Variants in FAH observed in about 807,000 individuals in gnomAD.
FAH encodes the protein fumarylacetoacetate hydrolase.
In FAH, 47 loss-of-function variants were observed where a neutral mutation model predicts 55.8. The ratio of observed to expected loss-of-function variants is 0.84; its 90% CI spans 0.67 to 1.07. FAH has a LOEUF of 1.07. Ranked by LOEUF, FAH falls within the 50% of genes least tolerant of loss-of-function variation. The probability of loss-of-function intolerance (pLI) is 0.00; values close to 1 mark genes in which losing one functional copy is unlikely to be tolerated. For synonymous variants in FAH, 199 were observed against 207.7 expected (o/e 0.96, Z 0.36); for missense variants, 495 against 545.9 (o/e 0.91, Z 0.93).
chr15:80,176,413 G>A (rs2041284485), intron 10 of FAH, among the ~76,000 whole-genome samples: 2 of 152,224 alleles, frequency 1.3e-5, no homozygotes, highest in Non-Finnish European at 2.9e-5. Context: ...TTCATGAGGT[G>A]GTTCCTGTCA....
intron 12 of FAH, among the ~76,000 whole-genome samples, chr15:80,180,565 G>A (rs878979815): frequency 6.6e-6 from 1 of 152,150 alleles, no homozygotes; most frequent in African/African-American, 2.4e-5. Flanking sequence ...ATGCTGCTGT[G>A]CCCCTTCCCA....
chr15:80,171,596 G>A (rs551043534), intron 7 of FAH, among the ~76,000 whole-genome samples: 2 of 152,130 alleles, frequency 1.3e-5, no homozygotes, highest in Non-Finnish European at 2.9e-5. Flanking sequence ...AAGTAGCTGG[G>A]ACTGCGGACA....
intron 1 of FAH, among the ~76,000 whole-genome samples, chr15:80,155,237 C>T (rs2041088417): frequency 6.6e-6 from 1 of 152,174 alleles, no homozygotes; most frequent in African/African-American, 2.4e-5. Flanking sequence ...GAGAAGGAAC[C>T]ACGTCACTGT....
intron 10 of FAH, 163 bp from the exon 11 acceptor site, chr15:80,177,374 T>C (rs2041292604): frequency 1.4e-6 from 1 of 692,948 alleles, no homozygotes; most frequent in Admixed American, 2.1e-5. Flanking sequence ...TGGCCAACCC[T>C]GGACCTCCCA....
At chr15:80,158,644 T>G (rs1329768131) in intron 2 of FAH, among the ~76,000 whole-genome samples, 1 of 152,218 alleles carries the variant, frequency 6.6e-6, no homozygotes, top group Non-Finnish European at 1.5e-5. Context: ...AATGGTCATC[T>G]ACTTTGATAT....
rs188046704 is a variant in FAH at position 80,153,143 on chromosome 15, G to A, written c.81+8G>A. 8.6e-5 allele frequency: 139 copies of A among 1,609,926 alleles called. No homozygotes were observed. Among genetic ancestry groups the A allele is most frequent in the Non-Finnish European group, 1.1e-4 (126 of 1,179,142 alleles). On this transcript the variant is annotated splice_region_variant and intron_variant, in intron 1 of 13. Transcript: ENST00000561421. ...TTCTCGACCAGAGGCGACGTGAGCA[G>A]TGGGGCTTTGGCGTCCGGGCGCGGG...
intron 9 of FAH, 180 bp downstream of exon 9, chr15:80,173,324 A>G (rs2041257315): frequency 1.3e-6 from 1 of 769,572 alleles, no homozygotes; most frequent in Non-Finnish European, 2.2e-6. Flanking sequence ...CAGCCAGGGC[A>G]TCATTCTCCC....
In FAH at chr15:80,167,973, T is replaced by A. The variant is rs2041207667; in HGVS notation, c.456-79T>A. On this transcript the variant is annotated intron_variant, in intron 5 of 13. Transcript: ENST00000561421. ...TGTGTATGTGGCGACTCTTTGTTTC[T>A]AGTTTTTGAAGTTTTTAAAGTTAAT... 5.1e-6 allele frequency: 6 copies of A among 1,180,874 alleles called. No individual in the cohort carries two copies. In the East Asian group the frequency reaches 1.4e-4, roughly 28 times the overall value. The allele number at this position is 1,180,874 out of a possible 1,614,324, so 73.1% of individuals were successfully genotyped here.
At chr15:80,157,346 C>A (rs1230381758) in intron 1 of FAH, 1 of 153,108 alleles carries the variant, frequency 6.5e-6, no homozygotes, top group African/African-American at 2.4e-5. Context: ...GAGCTGGAAG[C>A]CTGGCTCAGG....
chr15:80,160,535 C>T (rs1305187768), intron 4 of FAH, 76 bp downstream of exon 4: 1 of 1,437,716 alleles, frequency 7.0e-7, no homozygotes, highest in Non-Finnish European at 9.8e-7. Context: ...TGCTTTGGTT[C>T]TGCATCTGTG....
At chr15:80,168,002 C>G (rs2142097813) in intron 5 of FAH, 50 bp from the exon 6 acceptor site, 1 of 1,452,514 alleles carries the variant, frequency 6.9e-7, no homozygotes, top group Non-Finnish European at 9.7e-7. Flanking sequence ...AGTTAATTGA[C>G]AACATATAAC....
At chr15:80,168,231 A>T (rs770402189) in intron 6 of FAH, 33 bp from the exon 7 acceptor site, 2 of 1,580,338 alleles carry the variant, frequency 1.3e-6, no homozygotes, top group East Asian at 2.2e-5. Flanking sequence ...CACTCACAGC[A>T]CCGTTTTTTT....
chr15:80,169,235 T>C (rs1049058656), intron 7 of FAH, among the ~76,000 whole-genome samples: 9 of 151,822 alleles, frequency 5.9e-5, no homozygotes, highest in African/African-American at 1.9e-4. Flanking sequence ...ATACAAAAAT[T>C]AGCTGGGGAT....
At position 80,162,313 on chromosome 15, in the gene FAH, G is replaced by T; in HGVS notation, c.432G>T (p.Lys144Asn). ...ATNVGIMFRD[K>N]ENALMPNWLH... ...ACGTCGGAATCATGTTCAGGGACAA[G>T]GAGAATGCGTTGATGCCAAATTGGT... Residue 144 changes from lysine (K) to asparagine (N), a missense_variant, in exon 5 of 14, where the codon AAG becomes AAT. Transcript: ENST00000561421. The T allele has an allele frequency of 6.2e-7, 1 of 1,614,196 alleles. No homozygotes were observed.
chr15:80,178,396 T>C (rs879872557), intron 11 of FAH, among the ~76,000 whole-genome samples: 23 of 151,960 alleles, frequency 1.5e-4, no homozygotes, highest in African/African-American at 4.4e-4. Flanking sequence ...TCTGCTACCA[T>C]GTATTATTTT....
intron 13 of FAH, among the ~76,000 whole-genome samples, chr15:80,181,892 C>T (rs2866594): frequency 0.28 from 41,923 of 152,036 alleles, 6,313 homozygotes; most frequent in East Asian, 0.47. Context: ...GGATTACAGG[C>T]GCGCTAATTG....
At chr15:80,166,166 C>T (rs1037654278) in intron 5 of FAH, 6 of 152,060 alleles carry the variant, frequency 3.9e-5, no homozygotes, top group Admixed American at 3.9e-4. Context: ...ACTTGGTCAC[C>T]CAGGCTGGAG....
At chr15:80,180,011 C>G in intron 11 of FAH, 113 bp from the exon 12 acceptor site, 1 of 779,682 alleles carries the variant, frequency 1.3e-6, no homozygotes, top group Middle Eastern at 2.7e-4. Flanking sequence ...AGCTGGGGAC[C>G]GGGGAAAGGC....
rs762303692 is a variant in FAH, at chr15:80,162,209, G to T, written c.365-37G>T. On this transcript the variant is annotated intron_variant, in intron 4 of 13. Transcript: ENST00000561421. ...CAGTCCATTCTTCCTGAGGCATGTG[G>T]GTTGCTGATGGGATCTGTTGGGTCT... 5 of 1,518,034 alleles carry T rather than the reference G, an allele frequency of 3.3e-6. No homozygotes were observed. The Admixed American group carries it at 5.0e-5, about 15-fold the overall frequency. 94.0% of individuals were successfully genotyped at this position (1,518,034 alleles called of 1,614,324 possible).
Sources: gnomAD v4.1 joint callset for allele counts (sites outside exome capture counted in the v4.1 genomes callset) on GRCh38, gnomAD v4.1.1 for gene constraint, MANE v1.5 for transcripts, NCBI Gene and HGNC (gene_info 2026-07-23, HGNC 2026-07-21) for gene names.